Variants in ARFGEF1 observed in about 807,000 individuals in gnomAD.
ARFGEF1 encodes brefeldin A-inhibited guanine nucleotide-exchange protein 1.
ARFGEF1 carries 42 observed loss-of-function variants against 231.0 expected under a neutral mutation model. The ratio of observed to expected loss-of-function variants is 0.18; its 90% confidence interval spans 0.14 to 0.24. ARFGEF1 has a LOEUF of 0.24. ARFGEF1 is among the 10% of genes least tolerant of loss of function. The pLI, the probability that ARFGEF1 is intolerant of heterozygous loss-of-function variation, is 1.00. For synonymous variants in ARFGEF1, 710 were observed against 732.3 expected (o/e 0.97, Z 0.49); for missense variants, 1,345 against 2,192.0 (o/e 0.61, Z 7.72).
intron 23 of ARFGEF1, 129 bp from the exon 24 acceptor site, chr8:67,228,393 G>A: frequency 1.3e-6 from 1 of 769,044 alleles, no homozygotes; most frequent in East Asian, 2.7e-5. Flanking sequence ...ATTCAAATGA[G>A]TATTTTTCAT....
chr8:67,216,524 T>C (rs1337380558), intron 33 of ARFGEF1, 66 bp downstream of exon 33: 1 of 1,379,892 alleles, frequency 7.2e-7, no homozygotes, highest in Admixed American at 2.3e-5. Context: ...TGTAAGAATT[T>C]GACCCATAAT....
At chr8:67,325,306 T>TA (rs1807786343) in intron 1 of ARFGEF1, among the ~76,000 whole-genome samples, 1 of 152,132 alleles carries the variant, frequency 6.6e-6, no homozygotes. Flanking sequence ...AATGAGTGCT[T>TA]ACACCTTTTA....
chr8:67,202,466 C>T (rs1838367489), intron 36 of ARFGEF1, among the ~76,000 whole-genome samples: 1 of 152,042 alleles, frequency 6.6e-6, no homozygotes, highest in South Asian at 2.1e-4. Context: ...GCTATGTTGG[C>T]CAGGGTGGTT....
chr8:67,191,259 A>C (rs1205997370), intron 5 of ARFGEF1, among the ~76,000 whole-genome samples: 1 of 152,086 alleles, frequency 6.6e-6, no homozygotes, highest in Non-Finnish European at 1.5e-5. Context: ...CAGCAATGTC[A>C]CCTCCTTGTT....
intron 34 of ARFGEF1, among the ~76,000 whole-genome samples, chr8:67,207,542 A>T (rs1340039716): frequency 6.6e-6 from 1 of 152,238 alleles, no homozygotes; most frequent in African/African-American, 2.4e-5. Context: ...ACAAGGTCTG[A>T]CACTGCCAGG....
intron 1 of ARFGEF1, among the ~76,000 whole-genome samples, chr8:67,334,281 G>A (rs1286230081): frequency 1.8e-5 from 2 of 114,092 alleles, no homozygotes; most frequent in African/African-American, 6.9e-5. Context: ...ATATTCCAAA[G>A]TCCAAAAAAA....
chr8:67,204,473 T>C (rs1257953715), intron 35 of ARFGEF1, among the ~76,000 whole-genome samples: 1 of 152,228 alleles, frequency 6.6e-6, no homozygotes, highest in African/African-American at 2.4e-5. Context: ...CTGTAGAGGA[T>C]GAGGTCCCTA....
At position 67,180,371 on chromosome 8, in the gene ARFGEF1, A is replaced by G. The variant is rs115897198; in HGVS notation, c.561-4799T>C. ...TACTACTGTATGATTCAATTTACAT[A>G]ACATTTTTGAAATTACAAAATTAAG... On this transcript the variant is annotated intron_variant, in intron 5 of 5. Coordinates refer to the ARFGEF1 transcript ENST00000518789. Among the ~76,000 whole-genome samples the G allele has an allele frequency of 5.9e-3, 892 of 152,362 alleles. 7 individuals carry two copies. Among genetic ancestry groups the G allele is most frequent in the African/African-American group, 0.02 (833 of 41,582 alleles).
At chr8:67,341,590 CT>C (rs999858765) in intron 1 of ARFGEF1, among the ~76,000 whole-genome samples, 3 of 152,062 alleles carry the variant, frequency 2.0e-5, no homozygotes, top group African/African-American at 4.8e-5. Context: ...GAGCAAGCCC[CT>C]GTCTCAAAAA....
chr8:67,220,537 C>T (rs1839110819), intron 29 of ARFGEF1, among the ~76,000 whole-genome samples: 1 of 152,206 alleles, frequency 6.6e-6, no homozygotes, highest in Non-Finnish European at 1.5e-5. Context: ...TTCAGGCCAA[C>T]AGTAAGTCCA....
In ARFGEF1 at chr8:67,238,437, T is replaced by C. The variant is rs777525555; in HGVS notation, c.3195A>G (p.Lys1065=). The change falls in exon 22 of 39, where the codon AAA becomes AAG. Residue 1065 remains lysine (K), a synonymous_variant. Transcript: ENST00000262215. ...GCACTGTTCCAGAAATGTATCGAGGTTTCACTCCAGTTCCTATAAGCTGTG... is the reference window on the plus strand; with the variant it reads ...GCACTGTTCCAGAAATGTATCGAGGCTTCACTCCAGTTCCTATAAGCTGTG... The part of the protein sequence containing the change: ...ELAQLIGTGV[K]PRYISGTVRG... 7 of 1,613,988 alleles carry C rather than the reference T, an allele frequency of 4.3e-6. 1 individual carries two copies. The South Asian group carries it at 7.7e-5, about 18-fold the overall frequency.
At chr8:67,296,834 T>C (rs1406893374) in intron 4 of ARFGEF1, among the ~76,000 whole-genome samples, 1 of 152,022 alleles carries the variant, frequency 6.6e-6, no homozygotes, top group Non-Finnish European at 1.5e-5. Flanking sequence ...TTTATTTTTC[T>C]GTAGAGATGC....
intron 34 of ARFGEF1, among the ~76,000 whole-genome samples, chr8:67,206,912 A>G (rs953660634): frequency 6.6e-6 from 1 of 152,216 alleles, no homozygotes; most frequent in Non-Finnish European, 1.5e-5. Context: ...TTCTGGCACT[A>G]ATGTGTGGAA....
At chr8:67,255,590 T>C (rs1017935163) in intron 17 of ARFGEF1, among the ~76,000 whole-genome samples, 4 of 152,240 alleles carry the variant, frequency 2.6e-5, no homozygotes, top group African/African-American at 7.2e-5. Flanking sequence ...TTTAAAGTTA[T>C]TTGTATTTTA....
downstream of ARFGEF1, chr8:67,195,631 T>TGAAAG: frequency 5.1e-6 from 8 of 1,564,412 alleles, no homozygotes; most frequent in South Asian, 5.6e-5. Context: ...CCTTTTAAGG[T>TGAAAG]GAAAGGAATG....
chr8:67,244,284 T>C (rs1840032702), intron 19 of ARFGEF1, among the ~76,000 whole-genome samples: 1 of 115,296 alleles, frequency 8.7e-6, no homozygotes, highest in Non-Finnish European at 1.7e-5. Flanking sequence ...GACTACTGAG[T>C]CTCTCGTCTC....
intron 7 of ARFGEF1, among the ~76,000 whole-genome samples, chr8:67,280,769 C>T (rs1289387376): frequency 6.6e-6 from 1 of 152,096 alleles, no homozygotes; most frequent in African/African-American, 2.4e-5. Context: ...ACCACAGACA[C>T]CTCATGAATT....
intron 29 of ARFGEF1, among the ~76,000 whole-genome samples, chr8:67,222,231 G>GTA (rs1563846586): frequency 1.8e-4 from 16 of 88,650 alleles, no homozygotes; most frequent in South Asian, 4.7e-4. Context: ...ATATGTATAT[G>GTA]TATGTATGTA....
At chr8:67,272,683 A>T (rs1373592806) in intron 9 of ARFGEF1, among the ~76,000 whole-genome samples, 1 of 152,186 alleles carries the variant, frequency 6.6e-6, no homozygotes, top group Non-Finnish European at 1.5e-5. Context: ...TGCTACTCAA[A>T]AATCCTAAAC....
Sources: allele counts gnomAD v4.1 joint callset (sites outside exome capture counted in the v4.1 genomes callset), GRCh38; gene constraint gnomAD v4.1.1; transcripts MANE v1.5; gene names NCBI Gene and HGNC (gene_info 2026-07-23, HGNC 2026-07-21).